SGCD: variants seen among roughly 807,000 people sequenced by gnomAD.
SGCD encodes sarcoglycan delta.
Under a neutral mutation model 36.6 loss-of-function variants are expected in SGCD, and 18 were observed. The ratio of observed to expected loss-of-function variants is 0.49; its 90% CI spans 0.34 to 0.73. SGCD has a LOEUF of 0.73. Ranked by LOEUF, SGCD falls within the 30% of genes least tolerant of loss-of-function variation. SGCD has a pLI of 0.01. For missense variants in SGCD, 387 were observed against 346.7 expected (o/e 1.12, Z -0.92); for synonymous variants, 133 against 130.6 (o/e 1.02, Z -0.12).
chr5:155,777,122 T>G, the SGCD span, among the ~76,000 whole-genome samples: 1 of 152,146 alleles, frequency 6.6e-6, no homozygotes, highest in Non-Finnish European at 1.5e-5. Context: ...ATTATCAAAC[T>G]TGATGATCTT....
chr5:156,503,953 C>T (rs1756572514), intron 3 of SGCD, among the ~76,000 whole-genome samples: 1 of 151,804 alleles, frequency 6.6e-6, no homozygotes, highest in Non-Finnish European at 1.5e-5. Flanking sequence ...CCTGTAATTC[C>T]AGCACTTTGG....
chr5:156,049,871 G>A (rs1040727641), intron 1 of SGCD, among the ~76,000 whole-genome samples: 1 of 146,416 alleles, frequency 6.8e-6, no homozygotes, highest in African/African-American at 2.5e-5. Flanking sequence ...ACTAGCCAGA[G>A]AACTGGAATT....
At chr5:156,418,922 G>T (rs1220052985) in intron 3 of SGCD, among the ~76,000 whole-genome samples, 2 of 152,082 alleles carry the variant, frequency 1.3e-5, no homozygotes, top group Non-Finnish European at 2.9e-5. Context: ...ATCCAGCGTT[G>T]AATTTTATTC....
chr5:155,756,377 C>T, the SGCD span, among the ~76,000 whole-genome samples: 1 of 152,290 alleles, frequency 6.6e-6, no homozygotes, highest in East Asian at 1.9e-4. Context: ...AGACTTATTT[C>T]CTTATAAAAT....
rs532734039 is a variant in SGCD at position 155,926,677 on chromosome 5, T to A, written c.-282+56253T>A. ...GAAATTGTTTTCAACAGCAAAAAAA[T>A]TGCAAACAGGAAATATTCCATGGTG... On this transcript the variant is annotated intron_variant, in intron 1 of 9. Transcript: ENST00000517913. Among the ~76,000 whole-genome samples, 7 of 152,212 alleles carry A rather than the reference T, an allele frequency of 4.6e-5. 1 individual carries two copies. In the South Asian group the frequency reaches 1.5e-3, roughly 32 times the overall value.
intron 1 of SGCD, among the ~76,000 whole-genome samples, chr5:155,915,581 T>C (rs1232677272): frequency 6.6e-6 from 1 of 152,206 alleles, no homozygotes; most frequent in Non-Finnish European, 1.5e-5. Context: ...ATCAATTTTA[T>C]GTATTGTTTC....
chr5:156,726,582 C>T lies in SGCD; in HGVS notation c.576-30999C>T, dbSNP rs531094116. ...AACAAGGTTCTAATGGCCTATTCAC[C>T]CCTCTCCAACTCCCTGGGCTTTAAC... On this transcript the variant is annotated intron_variant, in intron 7 of 8. Coordinates refer to ENST00000337851, the MANE Select transcript of SGCD (RefSeq NM_000337.6). 3.3e-5 allele frequency among the ~76,000 whole-genome samples: 5 copies of T among 152,256 alleles called. No homozygotes were observed. The East Asian group carries it at 9.7e-4, about 29-fold the overall frequency.
chr5:156,128,464 C>G (rs1762232415), intron 3 of SGCD, among the ~76,000 whole-genome samples: 1 of 149,482 alleles, frequency 6.7e-6, no homozygotes, highest in African/African-American at 2.5e-5. Flanking sequence ...ATCCTGAAAA[C>G]AACTCAGATG....
At chr5:156,447,549 A>G (rs1264759754) in intron 3 of SGCD, among the ~76,000 whole-genome samples, 5 of 152,296 alleles carry the variant, frequency 3.3e-5, no homozygotes, top group African/African-American at 1.2e-4. Flanking sequence ...AAAATCTGAT[A>G]ATGGAAACAT....
intron 7 of SGCD, among the ~76,000 whole-genome samples, chr5:156,724,343 G>A (rs371010516): frequency 7.2e-5 from 11 of 152,282 alleles, no homozygotes; most frequent in Non-Finnish European, 1.3e-4. Context: ...GGTGGCTCAC[G>A]CCTGTAATCC....
intron 3 of SGCD, among the ~76,000 whole-genome samples, chr5:156,504,864 C>T (rs1756626566): frequency 6.6e-6 from 1 of 152,096 alleles, no homozygotes; most frequent in African/African-American, 2.4e-5. Flanking sequence ...TGCTATAATA[C>T]CCCAAATATA....
chr5:155,921,682 CAG>C lies in SGCD; in HGVS notation c.-282+51259_-282+51260del, dbSNP rs1580992004. On this transcript the variant is annotated intron_variant, in intron 1 of 9. Coordinates refer to the SGCD transcript ENST00000517913. ...TTAAATCTAGAAAGAAACCTGAACTCAGGCAAAAAGCAACACTTTCAAAAACT... is the reference window on the plus strand; with the variant it reads ...TTAAATCTAGAAAGAAACCTGAACTCGCAAAAAGCAACACTTTCAAAAACT... Among the ~76,000 whole-genome samples the C allele has an allele frequency of 4.6e-5, 7 of 152,232 alleles. No individual in the cohort carries two copies. The East Asian group carries it at 1.4e-3, about 29-fold the overall frequency.
At chr5:155,730,877 C>G in the SGCD span, among the ~76,000 whole-genome samples, 1 of 152,202 alleles carries the variant, frequency 6.6e-6, no homozygotes, top group Non-Finnish European at 1.5e-5. Context: ...TCACCCAGGG[C>G]CTCTGGCAGC....
chr5:155,737,100 A>C, the SGCD span, among the ~76,000 whole-genome samples: 2 of 152,354 alleles, frequency 1.3e-5, no homozygotes, highest in African/African-American at 4.8e-5. Context: ...AGGGCTTTGA[A>C]TCCAGACTTC....
At chr5:155,742,982 A>G in the SGCD span, among the ~76,000 whole-genome samples, 48 of 152,340 alleles carry the variant, frequency 3.2e-4, no homozygotes, top group East Asian at 6.6e-3. Flanking sequence ...TAAGAGATAC[A>G]TAGTGTAAGG....
chr5:156,026,902 C>T (rs1174598379), intron 1 of SGCD, among the ~76,000 whole-genome samples: 1 of 152,054 alleles, frequency 6.6e-6, no homozygotes, highest in African/African-American at 2.4e-5. Context: ...TCAGCTCTGT[C>T]ATTGTAGTAC....
At chr5:156,073,719 T>G (rs191370897) in intron 1 of SGCD, among the ~76,000 whole-genome samples, 1 of 152,306 alleles carries the variant, frequency 6.6e-6, no homozygotes, top group East Asian at 1.9e-4. Flanking sequence ...CCCATGAAGA[T>G]CATATCATCT....
chr5:156,723,717 G>T (rs547524118), intron 7 of SGCD, among the ~76,000 whole-genome samples: 10 of 152,264 alleles, frequency 6.6e-5, no homozygotes, highest in African/African-American at 2.4e-4. Context: ...TATGAGAGGT[G>T]AAAGGAAGGC....
intron 6 of SGCD, among the ~76,000 whole-genome samples, chr5:156,627,914 G>A (rs1174570422): frequency 1.3e-5 from 2 of 152,162 alleles, no homozygotes; most frequent in African/African-American, 4.8e-5. Context: ...GATGAAGTGT[G>A]TGTTAGGCCA....
Sources: gnomAD v4.1 joint callset for allele counts (sites outside exome capture counted in the v4.1 genomes callset) on GRCh38, gnomAD v4.1.1 for gene constraint, MANE v1.5 for transcripts, NCBI Gene and HGNC (gene_info 2026-07-23, HGNC 2026-07-21) for gene names.